Variants in LRRTM4 observed in about 807,000 individuals in gnomAD.
The protein encoded by LRRTM4 is leucine rich repeat transmembrane neuronal 4.
LRRTM4 carries 25 observed loss-of-function variants against 47.6 expected under a neutral mutation model. That is an observed-to-expected ratio of 0.53 (90% CI 0.38 to 0.73). LRRTM4 has a LOEUF of 0.73. Ranked by LOEUF, LRRTM4 falls within the 30% of genes least tolerant of loss-of-function variation. The probability of loss-of-function intolerance (pLI) is 0.00; values close to 1 mark genes in which losing one functional copy is unlikely to be tolerated. For synonymous variants in LRRTM4, 311 were observed against 269.5 expected, an observed-to-expected ratio of 1.15 and a Z score of -1.51; for missense variants, 638 against 713.4, an observed-to-expected ratio of 0.89 and a Z score of 1.20.
chr2:76,896,052 A>T (rs2103728202), intron 3 of LRRTM4, among the ~76,000 whole-genome samples: 1 of 152,198 alleles, frequency 6.6e-6, no homozygotes, highest in South Asian at 2.1e-4. Flanking sequence ...GTCCTTGGAA[A>T]AACACTTTGG....
chr2:76,953,901 A>C (rs952678505), intron 3 of LRRTM4, among the ~76,000 whole-genome samples: 2 of 151,922 alleles, frequency 1.3e-5, no homozygotes, highest in East Asian at 1.9e-4. Flanking sequence ...AGCTTATGAC[A>C]GTATCAGAGA....
chr2:76,884,379 T>C (rs1380670506), intron 3 of LRRTM4, among the ~76,000 whole-genome samples: 1 of 152,286 alleles, frequency 6.6e-6, no homozygotes, highest in East Asian at 1.9e-4. Context: ...ATACAGTCTG[T>C]TTTCACACAC....
intron 3 of LRRTM4, among the ~76,000 whole-genome samples, chr2:77,502,512 T>C (rs1377801977): frequency 6.6e-6 from 1 of 151,670 alleles, no homozygotes; most frequent in African/African-American, 2.4e-5. Flanking sequence ...AGAAGATATG[T>C]AATTATCTTT....
intron 3 of LRRTM4, among the ~76,000 whole-genome samples, chr2:76,915,783 TTAAA>T (rs536973856): frequency 4.9e-4 from 75 of 152,156 alleles, no homozygotes; most frequent in Non-Finnish European, 7.5e-4. Flanking sequence ...GAGAATTTGT[TTAAA>T]TAGTTATAAG....
At chr2:76,874,228 T>G (rs985446909) in intron 3 of LRRTM4, among the ~76,000 whole-genome samples, 1 of 151,920 alleles carries the variant, frequency 6.6e-6, no homozygotes, top group Admixed American at 6.6e-5. Flanking sequence ...TAGAAAACAG[T>G]CAAGGAAGTC....
At chr2:77,005,919 C>T (rs1677625982) in intron 3 of LRRTM4, among the ~76,000 whole-genome samples, 1 of 152,032 alleles carries the variant, frequency 6.6e-6, no homozygotes, top group Non-Finnish European at 1.5e-5. Context: ...TGCATAGATA[C>T]TATTATTGTC....
At chr2:76,865,338 A>G (rs7580390) in intron 3 of LRRTM4, among the ~76,000 whole-genome samples, 60,425 of 151,942 alleles carry the variant, frequency 0.4, 13,111 homozygotes, top group East Asian at 0.61. Flanking sequence ...GGATGCTCTC[A>G]GGTAGTGAAA....
intron 3 of LRRTM4, among the ~76,000 whole-genome samples, chr2:77,013,427 G>A (rs1016471277): frequency 1.3e-4 from 19 of 151,956 alleles, no homozygotes; most frequent in African/African-American, 3.1e-4. Flanking sequence ...AGGGAAAATC[G>A]CCTTGTAATG....
At chr2:76,995,738 C>T (rs1214728148) in intron 3 of LRRTM4, among the ~76,000 whole-genome samples, 1 of 152,020 alleles carries the variant, frequency 6.6e-6, no homozygotes, top group South Asian at 2.1e-4. Flanking sequence ...GGCATCTCTA[C>T]AAGATGTGAA....
intron 3 of LRRTM4, among the ~76,000 whole-genome samples, chr2:77,066,460 T>G (rs1430943300): frequency 6.6e-6 from 1 of 152,190 alleles, no homozygotes; most frequent in Non-Finnish European, 1.5e-5. Flanking sequence ...CTAAGTTAAT[T>G]CATTTTTAAA....
intron 3 of LRRTM4, among the ~76,000 whole-genome samples, chr2:77,266,889 G>A (rs1192079658): frequency 1.3e-5 from 2 of 152,044 alleles, no homozygotes; most frequent in African/African-American, 2.4e-5. Flanking sequence ...TCCTGAAAGC[G>A]AGTTGGAGAA....
chr2:77,087,310 T>C (rs1051364473), intron 3 of LRRTM4, among the ~76,000 whole-genome samples: 1 of 152,344 alleles, frequency 6.6e-6, no homozygotes, highest in African/African-American at 2.4e-5. Flanking sequence ...CAAGAGATTT[T>C]ACCTATCTAG....
intron 3 of LRRTM4, among the ~76,000 whole-genome samples, chr2:77,502,675 G>C (rs1678618369): frequency 6.6e-6 from 1 of 151,514 alleles, no homozygotes; most frequent in Non-Finnish European, 1.5e-5. Flanking sequence ...CCTTCTGCTG[G>C]GTAAATTAGA....
intron 3 of LRRTM4, among the ~76,000 whole-genome samples, chr2:77,160,377 G>T (rs1672678811): frequency 1.3e-5 from 2 of 152,036 alleles, no homozygotes; most frequent in South Asian, 4.1e-4. Flanking sequence ...AGCCATAAAG[G>T]TCCTTATGAT....
intron 3 of LRRTM4, among the ~76,000 whole-genome samples, chr2:76,952,650 G>C (rs1213178516): frequency 2.0e-5 from 3 of 151,900 alleles, no homozygotes; most frequent in Non-Finnish European, 2.9e-5. Context: ...AAGAACTTAG[G>C]AAACAGAGCT....
intron 3 of LRRTM4, among the ~76,000 whole-genome samples, chr2:77,056,069 T>G (rs1679596425): frequency 6.8e-6 from 1 of 146,838 alleles, no homozygotes; most frequent in African/African-American, 2.5e-5. Flanking sequence ...AGGGATAGCT[T>G]TAGGAGATAT....
intron 3 of LRRTM4, among the ~76,000 whole-genome samples, chr2:77,244,675 C>G: frequency 6.6e-6 from 1 of 151,968 alleles, no homozygotes. Context: ...TAAAATGTGG[C>G]AAAAGTTATG....
At chr2:77,182,449 C>T (rs1343750528) in intron 3 of LRRTM4, among the ~76,000 whole-genome samples, 1 of 151,848 alleles carries the variant, frequency 6.6e-6, no homozygotes, top group South Asian at 2.1e-4. Context: ...GGGAGAGAAT[C>T]TAGATGATGG....
intron 3 of LRRTM4, among the ~76,000 whole-genome samples, chr2:76,962,090 CT>C (rs1308620869): frequency 2.0e-5 from 3 of 151,190 alleles, no homozygotes; most frequent in Non-Finnish European, 4.4e-5. Context: ...TCTACTGTAA[CT>C]ATTTAAAGAT....
Sources: gnomAD v4.1 joint callset for allele counts (sites outside exome capture counted in the v4.1 genomes callset) on GRCh38, gnomAD v4.1.1 for gene constraint, MANE v1.5 for transcripts, NCBI Gene and HGNC (gene_info 2026-07-23, HGNC 2026-07-21) for gene names.